CACNA1C: variants seen among roughly 807,000 people sequenced by gnomAD.
CACNA1C encodes the protein calcium voltage-gated channel subunit alpha1 C.
In CACNA1C, 30 loss-of-function variants were observed where a neutral mutation model predicts 229.0. The observed-to-expected ratio is 0.13, with a 90% CI of 0.10 to 0.18. CACNA1C has a LOEUF of 0.18. Ranked by LOEUF, CACNA1C falls within the 10% of genes least tolerant of loss-of-function variation. CACNA1C has a pLI of 1.00. For synonymous variants in CACNA1C, 1,114 were observed against 1,132.5 expected (o/e 0.98, Z 0.33); for missense variants, 1,658 against 2,845.0 (o/e 0.58, Z 9.49).
chr12:2,400,835 C>T (rs147242776), intron 3 of CACNA1C, among the ~76,000 whole-genome samples: 2 of 152,292 alleles, frequency 1.3e-5, no homozygotes, highest in East Asian at 1.9e-4. Flanking sequence ...CTGGTGACCA[C>T]GGAAGGAGGC....
At chr12:2,302,348 C>T (rs1038805388) in intron 3 of CACNA1C, among the ~76,000 whole-genome samples, 5 of 151,794 alleles carry the variant, frequency 3.3e-5, no homozygotes, top group Non-Finnish European at 2.9e-5. Flanking sequence ...CCACCCCCGC[C>T]GCCTCTGCTT....
chr12:2,300,919 T>C (rs961967322), intron 3 of CACNA1C, among the ~76,000 whole-genome samples: 10 of 151,916 alleles, frequency 6.6e-5, no homozygotes, highest in Non-Finnish European at 1.2e-4. Flanking sequence ...GGGACAAGAG[T>C]GACGGCTGAG....
intron 3 of CACNA1C, among the ~76,000 whole-genome samples, chr12:2,284,010 A>C (rs1465850998): frequency 6.6e-6 from 1 of 152,172 alleles, no homozygotes; most frequent in Non-Finnish European, 1.5e-5. Context: ...ACTGAAAACA[A>C]AACAGCAGTA....
At chr12:2,490,587 A>T (rs2099719728) in intron 6 of CACNA1C, among the ~76,000 whole-genome samples, 1 of 152,148 alleles carries the variant, frequency 6.6e-6, no homozygotes, top group African/African-American at 2.4e-5. Flanking sequence ...ATAATTAATG[A>T]TCTAATTGGC....
chr12:2,362,656 C>T (rs1452879329), intron 3 of CACNA1C, among the ~76,000 whole-genome samples: 3 of 152,208 alleles, frequency 2.0e-5, no homozygotes, highest in Non-Finnish European at 4.4e-5. Flanking sequence ...ACAGTAGGCA[C>T]TCAGTGTTTT....
At chr12:2,334,452 A>G (rs145220468) in intron 3 of CACNA1C, among the ~76,000 whole-genome samples, 61 of 152,244 alleles carry the variant, frequency 4.0e-4, no homozygotes, top group Non-Finnish European at 6.3e-4. Flanking sequence ...CATGTCCTAG[A>G]GAGGAATTGT....
chr12:2,494,833 C>T (rs543904830), intron 7 of CACNA1C, among the ~76,000 whole-genome samples: 1 of 152,204 alleles, frequency 6.6e-6, no homozygotes, highest in Non-Finnish European at 1.5e-5. Flanking sequence ...TGTGTCCCTC[C>T]CTCTGTAAGT....
rs1405318830 is a variant in CACNA1C, at chr12:2,343,503, CCTAA to C, written c.478-105470_478-105467del. Reference sequence around the variant, plus strand: ...AACAAATAATTTTTTGTAAGTATATCCTAACTGTTACATGGAGCATACTTATACT... The same window carrying C: ...AACAAATAATTTTTTGTAAGTATATCCTGTTACATGGAGCATACTTATACT... On this transcript the variant is annotated intron_variant, in intron 3 of 46. Coordinates refer to ENST00000399655, the MANE Select transcript of CACNA1C (RefSeq NM_000719.7). 8.5e-5 allele frequency among the ~76,000 whole-genome samples: 13 copies of C among 152,148 alleles called. No individual in the cohort carries two copies. In the East Asian group the frequency reaches 2.3e-3, roughly 27 times the overall value.
At chr12:2,603,877 A>AT (rs2074009670) in intron 22 of CACNA1C, 1 of 152,196 alleles carries the variant, frequency 6.6e-6, no homozygotes, top group South Asian at 2.1e-4. Flanking sequence ...GAAACTGACC[A>AT]TTTTTCTGCT....
At chr12:2,217,154 A>G (rs1322059369) in intron 3 of CACNA1C, among the ~76,000 whole-genome samples, 1 of 152,254 alleles carries the variant, frequency 6.6e-6, no homozygotes, top group Non-Finnish European at 1.5e-5. Context: ...TAAGCCAGAC[A>G]CAAAAGGAGA....
intron 9 of CACNA1C, among the ~76,000 whole-genome samples, chr12:2,528,141 C>G (rs762479960): frequency 6.6e-6 from 1 of 152,152 alleles, no homozygotes; most frequent in Non-Finnish European, 1.5e-5. Context: ...GAACAATTGT[C>G]GTGTGCTATA....
rs1336657908 is a variant in CACNA1C, at chr12:2,688,757, G to C, written c.6095G>C (p.Ser2032Thr). Residue 2032 changes from serine to threonine, a missense_variant, in exon 46 of 47, where the codon AGT becomes ACT. Ser to Thr is a moderately conservative substitution (Grantham distance 58). Around this residue, in one of 20 missense-constraint regions of CACNA1C, gnomAD observed 590 missense variants for 700.8 expected, o/e 0.84. Coordinates refer to ENST00000399655, the MANE Select transcript of CACNA1C (RefSeq NM_000719.7). ...GCCCCAGGGAGGCAGTTCCACGGCAGTGCCAGCAGCCTGGTGGAAGCGGTA... is the reference window on the plus strand; with the variant it reads ...GCCCCAGGGAGGCAGTTCCACGGCACTGCCAGCAGCCTGGTGGAAGCGGTA... ...AGAPGRQFHG[S>T]ASSLVEAVLI... 1 of 1,564,894 alleles carries C rather than the reference G, an allele frequency of 6.4e-7. No individual in the cohort carries two copies. Among genetic ancestry groups the C allele is most frequent in the East Asian group, 2.3e-5 (1 of 43,440 alleles).
chr12:2,462,036 T>G (rs1443231201), intron 5 of CACNA1C, among the ~76,000 whole-genome samples: 3 of 152,110 alleles, frequency 2.0e-5, no homozygotes, highest in Admixed American at 6.5e-5. Context: ...CCATAGGCCC[T>G]GCGATCTCAC....
Position 2,254,347 on chromosome 12 carries a change from C to T in CACNA1C, c.477+133917C>T, listed in dbSNP as rs191234210. Reference sequence around the variant, plus strand: ...GTAGGCTGAGTCTTATCTTCTCAACCGCCAGTTGTCTGTAGTGGCCCTTCC... The same window carrying T: ...GTAGGCTGAGTCTTATCTTCTCAACTGCCAGTTGTCTGTAGTGGCCCTTCC... On this transcript the variant is annotated intron_variant, in intron 3 of 46. Transcript: ENST00000399655. 9.2e-5 allele frequency among the ~76,000 whole-genome samples: 14 copies of T among 152,306 alleles called. 1 individual carries two copies. The highest frequency in any genetic ancestry group is 3.9e-4 in the East Asian group (2 of 5,178).
intron 3 of CACNA1C, among the ~76,000 whole-genome samples, chr12:2,364,798 G>A (rs1446467072): frequency 2.6e-5 from 4 of 152,140 alleles, no homozygotes; most frequent in Non-Finnish European, 5.9e-5. Context: ...CTCAGCCCAC[G>A]GAGGTCAGCC....
intron 4 of CACNA1C, among the ~76,000 whole-genome samples, chr12:2,449,608 A>C (rs1407929218): frequency 6.6e-6 from 1 of 152,252 alleles, no homozygotes; most frequent in Non-Finnish European, 1.5e-5. Flanking sequence ...CTTTGAATTC[A>C]GACTTCCCCA....
At chr12:2,316,378 A>G (rs1432636250) in intron 3 of CACNA1C, among the ~76,000 whole-genome samples, 2 of 152,240 alleles carry the variant, frequency 1.3e-5, no homozygotes, top group African/African-American at 4.8e-5. Flanking sequence ...TGTAATGTGC[A>G]GGGCATGTGG....
intron 1 of CACNA1C, among the ~76,000 whole-genome samples, chr12:1,989,330 C>A (rs950980516): frequency 1.9e-4 from 29 of 152,168 alleles, no homozygotes; most frequent in African/African-American, 7.0e-4. Flanking sequence ...AGAGCAAGAA[C>A]TTGTCTCTAA....
chr12:2,242,482 A>C (rs564060016), intron 3 of CACNA1C, among the ~76,000 whole-genome samples: 66 of 152,324 alleles, frequency 4.3e-4, no homozygotes, highest in African/African-American at 1.6e-3. Flanking sequence ...CGCTGTTATG[A>C]GCTCTTCTGA....
Sources: allele counts gnomAD v4.1 joint callset (sites outside exome capture counted in the v4.1 genomes callset), GRCh38; gene constraint gnomAD v4.1.1; regional missense constraint gnomAD v4.1.1; transcripts MANE v1.5; gene names NCBI Gene and HGNC (gene_info 2026-07-23, HGNC 2026-07-21).